The following ACSS1 variants were observed in gnomAD, a reference collection of about 807,000 sequenced individuals.
ACSS1 encodes the protein acetyl-coenzyme A synthetase 2-like, mitochondrial.
ACSS1 carries 42 observed loss-of-function variants against 75.3 expected under a neutral mutation model. The observed-to-expected ratio is 0.56, with a 90% CI of 0.44 to 0.72. The LOEUF is 0.72. Among genes scored for constraint, ACSS1 ranks in the 30% least tolerant of loss-of-function variants. ACSS1 has a pLI of 0.00. For synonymous variants in ACSS1, 380 were observed against 376.8 expected, an observed-to-expected ratio of 1.01 and a Z score of -0.10; for missense variants, 782 against 935.7, an observed-to-expected ratio of 0.84 and a Z score of 2.14.
chr20:25,037,991 T>C (rs1266517917), intron 2 of ACSS1, among the ~76,000 whole-genome samples: 4 of 152,238 alleles, frequency 2.6e-5, no homozygotes, highest in Admixed American at 6.5e-5. Context: ...TTTGATGTCA[T>C]GACCATGACA....
intron 2 of ACSS1, chr20:25,046,696 A>G: frequency 1.4e-6 from 1 of 698,562 alleles, no homozygotes; most frequent in Non-Finnish European, 2.6e-6. Flanking sequence ...TCGCAGGCAG[A>G]TGGAGCTGGG....
chr20:25,014,155 T>C, intron 8 of ACSS1, 82 bp from the exon 9 acceptor site: 2 of 1,193,724 alleles, frequency 1.7e-6, no homozygotes, highest in South Asian at 1.3e-5. Context: ...TAGGTGGGAC[T>C]GTCCCTGTTG....
At chr20:25,029,556 T>C (rs2088785996) in intron 3 of ACSS1, among the ~76,000 whole-genome samples, 1 of 152,168 alleles carries the variant, frequency 6.6e-6, no homozygotes, top group African/African-American at 2.4e-5. Flanking sequence ...TTCCTATACA[T>C]GAACATTCAT....
chr20:25,012,505 A>G, intron 12 of ACSS1, 96 bp downstream of exon 12: 2 of 1,449,882 alleles, frequency 1.4e-6, no homozygotes, highest in African/African-American at 1.4e-5. Context: ...AGTATCCCCT[A>G]TCACTCCACT....
At chr20:25,023,207 C>G in intron 4 of ACSS1, 115 bp from the exon 5 acceptor site, 1 of 1,351,288 alleles carries the variant, frequency 7.4e-7, no homozygotes, top group Non-Finnish European at 9.9e-7. Flanking sequence ...CTGCTCTGAC[C>G]TGTCCAAGTT....
Position 25,044,958 on chromosome 20 carries a change from C to T in ACSS1, c.431+3127G>A, listed in dbSNP as rs1008318774. ...AGGACTGCATTTGTGAAGGAGGAAG[C>T]GGGGCAAAACCGCGGCAGGGGAGGG... On this transcript the variant is annotated intron_variant, in intron 2 of 13. Transcript: ENST00000323482. Among the ~76,000 whole-genome samples the T allele has an allele frequency of 2.0e-5, 3 of 152,340 alleles. No homozygotes were observed. In the South Asian group the frequency reaches 6.2e-4, roughly 32 times the overall value.
chr20:25,030,840 C>T lies in ACSS1; in HGVS notation c.550G>A (p.Ala184Thr), dbSNP rs2088810511. ...TGGACAGCTCCGATCCTGGCACAGG[C>T]CAGCATTGCTGCCACAGCCAATGGG... is the stretch of plus-strand genomic sequence containing the variant. ...VSPLAVAAML[A>T]CARIGAVHTV... is the part of the protein sequence containing the mutation. Residue 184 changes from alanine to threonine, a missense_variant, in exon 3 of 14, where the codon GCC (alanine) becomes ACC (threonine). This residue lies in a region of ACSS1 where 377 missense variants were observed against 383.1 expected (regional missense o/e 0.98). Transcript: ENST00000323482. The T allele has an allele frequency of 6.2e-7, 1 of 1,614,246 alleles. No homozygotes were observed. Among genetic ancestry groups the T allele is most frequent in the South Asian group, 1.1e-5 (1 of 91,088 alleles).
Position 25,058,073 on chromosome 20 carries a change from GA to G in ACSS1, c.29del (p.Val10AlafsTer22). 1 of 1,269,546 alleles carries G rather than the reference GA, an allele frequency of 7.9e-7. No individual in the cohort carries two copies. The highest frequency in any genetic ancestry group is 9.9e-7 in the Non-Finnish European group (1 of 1,011,704). The allele number at this position is 1,269,546 out of a possible 1,614,324, so 78.6% of individuals were successfully genotyped here. On this transcript the variant is annotated frameshift_variant, in exon 1 of 14. Coordinates refer to ENST00000323482, the MANE Select transcript of ACSS1 (RefSeq NM_032501.4). LOFTEE classifies it high-confidence loss of function. Reference sequence around the variant, plus strand: ...CTCGCAGGCTGCCCAGCAGCCTCCCGACGCCGCGGCCCAGGGTGCGCGCCGC... The same window carrying G: ...CTCGCAGGCTGCCCAGCAGCCTCCCGCGCCGCGGCCCAGGGTGCGCGCCGC... MAARTLGRG[V>X]GRLLGSLRGL...
chr20:25,043,983 C>CA (rs1386175694), intron 2 of ACSS1, among the ~76,000 whole-genome samples: 1 of 152,218 alleles, frequency 6.6e-6, no homozygotes, highest in Non-Finnish European at 1.5e-5. Flanking sequence ...AGAAGAGGTT[C>CA]ACTGATTTGG....
intron 2 of ACSS1, among the ~76,000 whole-genome samples, chr20:25,040,843 C>T (rs1292909888): frequency 6.6e-6 from 1 of 152,134 alleles, no homozygotes; most frequent in Admixed American, 6.5e-5. Context: ...CCACCCCAGG[C>T]CACCCTTAAA....
rs1261494370 is a variant in ACSS1, at chr20:25,006,526, CCA to C, written c.*1234_*1235del. 4.6e-5 allele frequency: 13 copies of C among 279,672 alleles called. No homozygotes were observed. Among genetic ancestry groups the C allele is most frequent in the Non-Finnish European group, 9.0e-5 (13 of 144,592 alleles). The allele number at this position is 279,672 out of a possible 1,614,324, so 17.3% of individuals were successfully genotyped here. A position where few individuals can be genotyped will look rare whatever the true frequency, so the allele number is the denominator to read the frequency against. ...CACGACCGAGTGGGTACTCAGTGGC[CCA>C]GACACCCCCCGAACACTGGCACTGC... is the stretch of plus-strand genomic sequence containing the variant. On this transcript the variant is annotated 3_prime_UTR_variant, in exon 14 of 14. Transcript: ENST00000323482.
chr20:25,032,352 G>A (rs552086044), intron 2 of ACSS1: 34 of 1,343,320 alleles, frequency 2.5e-5, no homozygotes, highest in Admixed American at 9.6e-5. Flanking sequence ...GGGAGCAGGC[G>A]AGAGCCGCCA....
intron 1 of ACSS1, among the ~76,000 whole-genome samples, chr20:25,057,449 C>A (rs1318091099): frequency 1.3e-5 from 2 of 152,232 alleles, no homozygotes; most frequent in African/African-American, 2.4e-5. Context: ...CGGCGCTATG[C>A]ACCCGGTAAC....
intron 13 of ACSS1, among the ~76,000 whole-genome samples, chr20:25,008,549 T>C (rs914900936): frequency 2.0e-5 from 3 of 152,122 alleles, no homozygotes; most frequent in Non-Finnish European, 4.4e-5. Flanking sequence ...ACTCCTGTAA[T>C]ACCAAGTGGA....
chr20:25,024,027 G>A (rs1347597658), intron 3 of ACSS1, among the ~76,000 whole-genome samples: 7 of 152,180 alleles, frequency 4.6e-5, no homozygotes, highest in East Asian at 1.9e-4. Context: ...GAGAAATACC[G>A]AGAGGCAGAG....
intron 2 of ACSS1, among the ~76,000 whole-genome samples, chr20:25,039,869 A>G (rs2088973293): frequency 6.6e-6 from 1 of 152,186 alleles, no homozygotes; most frequent in Non-Finnish European, 1.5e-5. Context: ...TCCCTTCCAG[A>G]CACAAAGCCC....
At chr20:25,055,679 G>A (rs575109263) in intron 1 of ACSS1, among the ~76,000 whole-genome samples, 2 of 152,354 alleles carry the variant, frequency 1.3e-5, no homozygotes, top group East Asian at 3.9e-4. Flanking sequence ...CTCAGGTAAT[G>A]CTGATGCTGC....
chr20:25,032,264 C>A, intron 2 of ACSS1: 2 of 1,054,694 alleles, frequency 1.9e-6, no homozygotes, highest in Non-Finnish European at 2.4e-6. Context: ...TCTCTCTGGG[C>A]AAGCTGATTG....
At chr20:25,015,057 G>A in intron 8 of ACSS1, 81 bp downstream of exon 8, 3 of 1,273,924 alleles carry the variant, frequency 2.4e-6, no homozygotes, top group Non-Finnish European at 3.3e-6. Context: ...GCTGTTGAGA[G>A]CTTGGACCCC....
Sources: gnomAD v4.1 joint callset for allele counts (sites outside exome capture counted in the v4.1 genomes callset) on GRCh38, gnomAD v4.1.1 for gene constraint, gnomAD v4.1.1 regional missense constraint, MANE v1.5 for transcripts, NCBI Gene and HGNC (gene_info 2026-07-23, HGNC 2026-07-21) for gene names.